The following SMOC2 variants were observed in gnomAD, a reference collection of about 807,000 sequenced individuals.
SMOC2 encodes the protein SPARC-related modular calcium-binding protein 2.
SMOC2 carries 39 observed loss-of-function variants against 61.4 expected under a neutral mutation model. That is an observed-to-expected ratio of 0.64 (90% CI 0.49 to 0.83). The LOEUF (loss-of-function observed/expected upper bound fraction) is 0.83. SMOC2 is among the 40% of genes least tolerant of loss of function. The pLI, the probability that SMOC2 is intolerant of heterozygous loss-of-function variation, is 0.00. For missense variants in SMOC2, 556 were observed against 592.9 expected (o/e 0.94, Z 0.65); for synonymous variants, 247 against 239.9 (o/e 1.03, Z -0.27).
At chr6:168,615,214 C>T (rs1186013474) in intron 9 of SMOC2, among the ~76,000 whole-genome samples, 1 of 89,132 alleles carries the variant, frequency 1.1e-5, no homozygotes, top group Non-Finnish European at 2.3e-5. Context: ...CCTCTTTATA[C>T]CTACAGCCAG....
chr6:168,447,550 T>C (rs1184774652), intron 1 of SMOC2, among the ~76,000 whole-genome samples: 1 of 152,184 alleles, frequency 6.6e-6, no homozygotes, highest in Non-Finnish European at 1.5e-5. Flanking sequence ...CATCTCTCAC[T>C]GTTCCTATCC....
Position 168,635,436 on chromosome 6 carries a change from G to A in SMOC2, c.908-15245G>A, listed in dbSNP as rs571038732. Among the ~76,000 whole-genome samples the A allele has an allele frequency of 6.6e-5, 10 of 152,320 alleles. No homozygotes were observed. In the South Asian group the frequency reaches 2.1e-3, roughly 32 times the overall value. On this transcript the variant is annotated intron_variant, in intron 9 of 12. Transcript: ENST00000356284. ...TCCCGTGGCCCCGCGTGGGGCCACT[G>A]AAGCCTCCCTGCCAGCATTTTTATT...
intron 4 of SMOC2, among the ~76,000 whole-genome samples, chr6:168,529,621 T>C (rs1783539025): frequency 6.6e-6 from 1 of 152,170 alleles, no homozygotes; most frequent in South Asian, 2.1e-4. Flanking sequence ...CAGGGTCACT[T>C]TGGAAACTTT....
chr6:168,556,736 TC>T (rs1268313262), intron 7 of SMOC2, among the ~76,000 whole-genome samples: 1 of 69,088 alleles, frequency 1.4e-5, no homozygotes, highest in African/African-American at 5.9e-5. Flanking sequence ...ATGCTATCCC[TC>T]CCCCCTCCCC....
At chr6:168,569,571 G>T (rs1309830213) in intron 7 of SMOC2, among the ~76,000 whole-genome samples, 3 of 152,096 alleles carry the variant, frequency 2.0e-5, no homozygotes, top group African/African-American at 7.2e-5. Context: ...CTCCTGAGTA[G>T]CTAGGACCAC....
intron 8 of SMOC2, among the ~76,000 whole-genome samples, chr6:168,599,309 A>AC (rs1554247690): frequency 1.4e-4 from 14 of 101,690 alleles, no homozygotes; most frequent in East Asian, 3.7e-4. Context: ...CCACACACAC[A>AC]CCCCCACACT....
chr6:168,515,223 C>T (rs1783101389), intron 2 of SMOC2, among the ~76,000 whole-genome samples: 2 of 152,030 alleles, frequency 1.3e-5, no homozygotes, highest in Non-Finnish European at 2.9e-5. Flanking sequence ...ATGGACCTAA[C>T]CAAAGTAGGT....
intron 1 of SMOC2, among the ~76,000 whole-genome samples, chr6:168,481,965 T>G (rs1393383019): frequency 6.6e-6 from 1 of 151,466 alleles, no homozygotes; most frequent in Non-Finnish European, 1.5e-5. Context: ...AAAACCTAAC[T>G]TTACAACTTG....
intron 9 of SMOC2, among the ~76,000 whole-genome samples, chr6:168,635,835 C>T (rs940384845): frequency 6.8e-6 from 1 of 148,094 alleles, no homozygotes; most frequent in Non-Finnish European, 1.5e-5. Context: ...CGCACCACTG[C>T]ACTCCAGCCT....
chr6:168,489,994 T>G (rs2115031567), intron 1 of SMOC2, among the ~76,000 whole-genome samples: 1 of 151,980 alleles, frequency 6.6e-6, no homozygotes, highest in Middle Eastern at 3.4e-3. Flanking sequence ...ATATATCGAA[T>G]CATCTGGGTC....
chr6:168,457,896 G>A (rs2114999901), intron 1 of SMOC2, among the ~76,000 whole-genome samples: 1 of 152,168 alleles, frequency 6.6e-6, no homozygotes, highest in African/African-American at 2.4e-5. Flanking sequence ...TTTCAAGGTG[G>A]GGGGCCCTTG....
chr6:168,637,105 G>T (rs751597663), intron 9 of SMOC2, among the ~76,000 whole-genome samples: 1 of 151,718 alleles, frequency 6.6e-6, no homozygotes, highest in Non-Finnish European at 1.5e-5. Context: ...TCACTTTTTT[G>T]ATCTTTCTAA....
intron 1 of SMOC2, among the ~76,000 whole-genome samples, chr6:168,451,619 C>CTCTA (rs1562535976): frequency 2.6e-5 from 4 of 151,538 alleles, no homozygotes; most frequent in Admixed American, 2.6e-4. Flanking sequence ...CTCTCTCTCT[C>CTCTA]TCTCTCTCTC....
chr6:168,505,725 G>A (rs1454569496), intron 1 of SMOC2, among the ~76,000 whole-genome samples: 1 of 152,228 alleles, frequency 6.6e-6, no homozygotes, highest in African/African-American at 2.4e-5. Context: ...TTTAGGTTCT[G>A]TGTTCTAAAA....
chr6:168,548,351 C>CTT (rs758386557), intron 6 of SMOC2, among the ~76,000 whole-genome samples: 13,683 of 127,110 alleles, frequency 0.11, 2,377 homozygotes, highest in African/African-American at 0.37. Context: ...CACTACATTC[C>CTT]TTTTTTTTTT....
At chr6:168,585,818 T>G (rs1193200122) in intron 7 of SMOC2, among the ~76,000 whole-genome samples, 2 of 152,262 alleles carry the variant, frequency 1.3e-5, no homozygotes, top group South Asian at 4.1e-4. Context: ...TTGTCATGTC[T>G]GTTTTCACCT....
chr6:168,565,739 C>T (rs1054583368), intron 7 of SMOC2, among the ~76,000 whole-genome samples: 11 of 152,158 alleles, frequency 7.2e-5, no homozygotes, highest in African/African-American at 1.7e-4. Flanking sequence ...GGTCTATTGA[C>T]GGCACCACCA....
intron 9 of SMOC2, among the ~76,000 whole-genome samples, chr6:168,608,621 C>T (rs1416030012): frequency 2.0e-5 from 3 of 152,178 alleles, no homozygotes; most frequent in Non-Finnish European, 2.9e-5. Context: ...TCCTTTTTCA[C>T]TGAATCAACA....
chr6:168,493,042 A>AT (rs531260273), intron 1 of SMOC2, among the ~76,000 whole-genome samples: 218 of 147,358 alleles, frequency 1.5e-3, no homozygotes, highest in South Asian at 3.2e-3. Flanking sequence ...CTCAAAAGTG[A>AT]TTTTTTTTTT....
Sources: allele counts gnomAD v4.1 joint callset (sites outside exome capture counted in the v4.1 genomes callset), GRCh38; gene constraint gnomAD v4.1.1; transcripts MANE v1.5; gene names NCBI Gene and HGNC (gene_info 2026-07-23, HGNC 2026-07-21).